Variants in TRAPPC9 observed in about 807,000 individuals in gnomAD.
TRAPPC9 encodes the protein trafficking protein particle complex subunit 9, also known as IKK2 binding protein.
TRAPPC9 carries 83 observed loss-of-function variants against 124.0 expected under a neutral mutation model. The ratio of observed to expected loss-of-function variants is 0.67; its 90% CI spans 0.56 to 0.80. The LOEUF is 0.80. Among genes scored for constraint, TRAPPC9 ranks in the 30% least tolerant of loss-of-function variants. The probability of loss-of-function intolerance (pLI) is 0.00; values close to 1 mark genes in which losing one functional copy is unlikely to be tolerated. For synonymous variants in TRAPPC9, 638 were observed against 617.5 expected (o/e 1.03, Z -0.49); for missense variants, 1,302 against 1,508.3 (o/e 0.86, Z 2.27).
chr8:139,986,158 G>A (rs187329958), intron 19 of TRAPPC9, among the ~76,000 whole-genome samples: 471 of 152,296 alleles, frequency 3.1e-3, no homozygotes, highest in Non-Finnish European at 4.5e-3. Context: ...CAGGAGAAAC[G>A]CTTGAACCCA....
At chr8:140,223,545 T>A (rs1331071250) in intron 16 of TRAPPC9, among the ~76,000 whole-genome samples, 1 of 152,242 alleles carries the variant, frequency 6.6e-6, no homozygotes, top group Admixed American at 6.5e-5. Flanking sequence ...AATGGCTGCA[T>A]ATCTCAAACG....
chr8:139,747,189 C>G (rs1027815237), intron 21 of TRAPPC9, among the ~76,000 whole-genome samples: 2 of 152,162 alleles, frequency 1.3e-5, no homozygotes, highest in South Asian at 2.1e-4. Context: ...CCCAGGCAGG[C>G]CCCCCGCCCC....
chr8:140,124,500 G>A (rs559745611), intron 17 of TRAPPC9, among the ~76,000 whole-genome samples: 11 of 152,332 alleles, frequency 7.2e-5, no homozygotes, highest in South Asian at 4.1e-4. Flanking sequence ...CTTTGGCTAC[G>A]TCAGGTCACA....
intron 13 of TRAPPC9, among the ~76,000 whole-genome samples, chr8:140,284,487 G>A (rs929496049): frequency 1.3e-5 from 2 of 152,140 alleles, no homozygotes; most frequent in East Asian, 3.8e-4. Flanking sequence ...TATTGTAGCT[G>A]CTGCTGATAT....
At chr8:139,947,719 T>G (rs185019695) in intron 19 of TRAPPC9, among the ~76,000 whole-genome samples, 32 of 150,360 alleles carry the variant, frequency 2.1e-4, no homozygotes, top group African/African-American at 7.8e-4. Flanking sequence ...TAAAAAAAAA[T>G]TAGCCGGTCA....
intron 20 of TRAPPC9, among the ~76,000 whole-genome samples, chr8:139,893,533 C>T (rs1189305938): frequency 1.3e-5 from 2 of 152,270 alleles, no homozygotes; most frequent in African/African-American, 2.4e-5. Flanking sequence ...TTCTTTGAAG[C>T]TCTCATGTCT....
At chr8:139,889,636 G>A (rs980204887) in intron 20 of TRAPPC9, among the ~76,000 whole-genome samples, 1 of 152,172 alleles carries the variant, frequency 6.6e-6, no homozygotes, top group Admixed American at 6.5e-5. Flanking sequence ...CAGTTACGAA[G>A]GTAGATTTTC....
intron 11 of TRAPPC9, among the ~76,000 whole-genome samples, chr8:140,291,469 C>T (rs2065657363): frequency 6.6e-6 from 1 of 152,190 alleles, no homozygotes; most frequent in South Asian, 2.1e-4. Context: ...TGCCCTATTC[C>T]CCTAAGATTG....
At position 139,889,311 on chromosome 8, in the gene TRAPPC9, T is replaced by C. The variant is rs1295008332; in HGVS notation, c.2965-3342A>G. On this transcript the variant is annotated intron_variant, in intron 20 of 22. Coordinates refer to ENST00000438773, the MANE Select transcript of TRAPPC9 (RefSeq NM_001160372.4). ...AATGGAGACCCCTTCGCTTCAGCCATAGTGAAAGCAGGTGGCCTAACCACG... is the reference window on the plus strand; with the variant it reads ...AATGGAGACCCCTTCGCTTCAGCCACAGTGAAAGCAGGTGGCCTAACCACG... 2.6e-5 allele frequency among the ~76,000 whole-genome samples: 4 copies of C among 151,696 alleles called. 1 individual carries two copies.
At chr8:139,928,634 A>G (rs1483168457) in intron 19 of TRAPPC9, among the ~76,000 whole-genome samples, 2 of 151,786 alleles carry the variant, frequency 1.3e-5, no homozygotes, top group African/African-American at 2.4e-5. Flanking sequence ...TGCTGTCGGT[A>G]CTGGGTGAGT....
At chr8:140,314,869 T>A (rs1368982290) in intron 9 of TRAPPC9, among the ~76,000 whole-genome samples, 2 of 152,236 alleles carry the variant, frequency 1.3e-5, no homozygotes, top group Non-Finnish European at 2.9e-5. Flanking sequence ...TGATTCCGTA[T>A]CTTGGCTATT....
rs1180311987 is a variant in TRAPPC9, at chr8:140,371,222, T to C, written c.1135-42A>G. 2.0e-6 allele frequency: 3 copies of C among 1,536,282 alleles called. No individual in the cohort carries two copies. The Admixed American group carries it at 5.8e-5, about 30-fold the overall frequency. On this transcript the variant is annotated intron_variant, in intron 7 of 22. Coordinates refer to ENST00000438773, the MANE Select transcript of TRAPPC9 (RefSeq NM_001160372.4). ...AAGTAAAAAGCTTTTGAAAGAAACG[T>C]ATAAGTGAAAAAAGAAGCACACATT...
chr8:140,258,171 A>G lies in TRAPPC9; in HGVS notation c.2279-5242T>C, dbSNP rs1466557090. 2.0e-5 allele frequency among the ~76,000 whole-genome samples: 3 copies of G among 152,228 alleles called. No individual in the cohort carries two copies. In the East Asian group the frequency reaches 5.8e-4, roughly 29 times the overall value. Reference sequence around the variant, plus strand: ...GACAGCACACGACAGACAAGTCTGGAGGGCCAGAGAAACTCCCCGGAGAGA... The same window carrying G: ...GACAGCACACGACAGACAAGTCTGGGGGGCCAGAGAAACTCCCCGGAGAGA... On this transcript the variant is annotated intron_variant, in intron 15 of 22. Transcript: ENST00000438773.
intron 9 of TRAPPC9, among the ~76,000 whole-genome samples, chr8:140,324,229 CAAGT>C (rs2066680821): frequency 6.6e-6 from 1 of 152,012 alleles, no homozygotes; most frequent in Non-Finnish European, 1.5e-5. Context: ...CACACGAACA[CAAGT>C]AATAAGCATA....
intron 14 of TRAPPC9, among the ~76,000 whole-genome samples, chr8:140,280,457 C>T (rs924247331): frequency 4.6e-5 from 7 of 152,258 alleles, no homozygotes; most frequent in South Asian, 4.2e-4. Context: ...GACAAAGTCT[C>T]GCTCTTTGTC....
chr8:139,804,614 C>A (rs1208552268), intron 21 of TRAPPC9, among the ~76,000 whole-genome samples: 2 of 129,148 alleles, frequency 1.5e-5, no homozygotes, highest in Non-Finnish European at 1.6e-5. Flanking sequence ...CACACAACCA[C>A]CACCACCCAC....
At chr8:140,388,916 C>T (rs571262520) in intron 7 of TRAPPC9, among the ~76,000 whole-genome samples, 3 of 148,170 alleles carry the variant, frequency 2.0e-5, no homozygotes, top group Non-Finnish European at 4.5e-5. Flanking sequence ...GAAAACATGA[C>T]GCTAAGTGAG....
chr8:139,754,737 G>A (rs550393860), intron 21 of TRAPPC9, among the ~76,000 whole-genome samples: 1 of 152,164 alleles, frequency 6.6e-6, no homozygotes, highest in Non-Finnish European at 1.5e-5. Flanking sequence ...CTGTTTTCCA[G>A]AGACGCCCCC....
At chr8:139,932,585 A>G (rs757918527) in intron 19 of TRAPPC9, 20 of 450,356 alleles carry the variant, frequency 4.4e-5, no homozygotes, top group South Asian at 3.1e-4. Flanking sequence ...CAACATGGTG[A>G]AACCCGTCTC....
Sources: allele counts gnomAD v4.1 joint callset (sites outside exome capture counted in the v4.1 genomes callset), GRCh38; gene constraint gnomAD v4.1.1; transcripts MANE v1.5; gene names NCBI Gene and HGNC (gene_info 2026-07-23, HGNC 2026-07-21).